The following KIAA0753 variants were observed in gnomAD, a reference collection of about 807,000 sequenced individuals.
KIAA0753 encodes the protein protein moonraker.
Under a neutral mutation model 116.9 loss-of-function variants are expected in KIAA0753, and 114 were observed. That is an observed-to-expected ratio of 0.98 (90% CI 0.84 to 1.14). KIAA0753 has a LOEUF of 1.14. Among genes scored for constraint, KIAA0753 ranks in the 50% most tolerant of loss-of-function variants. The pLI is 0.00. For synonymous variants in KIAA0753, 405 were observed against 413.1 expected, an observed-to-expected ratio of 0.98 and a Z score of 0.24; for missense variants, 1,156 against 1,172.4, an observed-to-expected ratio of 0.99 and a Z score of 0.20.
chr17:6,604,659 G>A (rs1424521504), intron 12 of KIAA0753, among the ~76,000 whole-genome samples: 1 of 151,952 alleles, frequency 6.6e-6, no homozygotes, highest in East Asian at 1.9e-4. Context: ...GGGGGCAGGA[G>A]AGAAGTGGGT....
At chr17:6,584,178 T>G (rs975997711) in intron 18 of KIAA0753, among the ~76,000 whole-genome samples, 14 of 152,354 alleles carry the variant, frequency 9.2e-5, no homozygotes, top group Non-Finnish European at 1.6e-4. Flanking sequence ...TGTCCTCTGT[T>G]CTGAAAAGGC....
In KIAA0753 at chr17:6,578,565, C is replaced by A. The variant is rs541453566; in HGVS notation, c.*1182G>T. On this transcript the variant is annotated 3_prime_UTR_variant, in exon 19 of 19. Transcript: ENST00000361413. The stretch of plus-strand genomic sequence containing the variant: ...TGCACAAATAAGTGTGATCAAGCAG[C>A]TTAAATCACCTGAAATTCTTGTACT... 4 of 152,324 alleles carry A rather than the reference C, an allele frequency of 2.6e-5. No homozygotes were observed. The East Asian group carries it at 7.7e-4, about 29-fold the overall frequency. 9.4% of individuals were successfully genotyped at this position (152,324 alleles called of 1,614,324 possible).
intron 17 of KIAA0753, 38 bp downstream of exon 17, chr17:6,590,472 T>C (rs781592652): frequency 6.2e-7 from 1 of 1,611,012 alleles, no homozygotes; most frequent in South Asian, 1.1e-5. Flanking sequence ...CAAAGGTGAC[T>C]GACTAGAATG....
At chr17:6,580,008 C>G (rs936410497) in intron 18 of KIAA0753, 144 bp from the exon 19 acceptor site, 3 of 589,946 alleles carry the variant, frequency 5.1e-6, no homozygotes, top group East Asian at 3.1e-5. Flanking sequence ...CATGGTGAAA[C>G]CCGGTCTCTA....
intron 12 of KIAA0753, among the ~76,000 whole-genome samples, chr17:6,605,509 C>G (rs1470297): frequency 0.3 from 46,302 of 152,108 alleles, 7,924 homozygotes; most frequent in Admixed American, 0.39. Flanking sequence ...AGGATCCAGG[C>G]TCTGTTCAAC....
chr17:6,625,622 G>T (rs1012876209), intron 3 of KIAA0753, among the ~76,000 whole-genome samples: 1 of 151,786 alleles, frequency 6.6e-6, no homozygotes, highest in Non-Finnish European at 1.5e-5. Flanking sequence ...AGCTGAGATC[G>T]CACCACTACA....
At chr17:6,636,684 G>A (rs1972346462) in intron 1 of KIAA0753, 1 of 152,322 alleles carries the variant, frequency 6.6e-6, no homozygotes, top group Non-Finnish European at 1.5e-5. Flanking sequence ...CCCATGCTGA[G>A]ATGCCCTTAC....
intron 12 of KIAA0753, among the ~76,000 whole-genome samples, chr17:6,602,895 A>G (rs1969967757): frequency 6.6e-6 from 1 of 152,168 alleles, no homozygotes; most frequent in Admixed American, 6.5e-5. Context: ...CAAGATTACT[A>G]GGTATCTGAG....
At chr17:6,614,760 A>G (rs1970768003) in intron 7 of KIAA0753, among the ~76,000 whole-genome samples, 1 of 152,172 alleles carries the variant, frequency 6.6e-6, no homozygotes, top group African/African-American at 2.4e-5. Context: ...CCTGGGTCCA[A>G]AAATATTCAA....
At chr17:6,638,666 G>A (rs1220886532) in intron 1 of KIAA0753, 1 of 152,832 alleles carries the variant, frequency 6.5e-6, no homozygotes, top group Non-Finnish European at 1.5e-5. Context: ...TCCTCTCCAA[G>A]CCCAGGCACT....
At chr17:6,626,991 A>G (rs9916604) in intron 3 of KIAA0753, among the ~76,000 whole-genome samples, 1 of 152,186 alleles carries the variant, frequency 6.6e-6, no homozygotes, top group African/African-American at 2.4e-5. Context: ...AAGAGAAACA[A>G]GCCACAACAT....
rs147676269 is a variant in KIAA0753, at chr17:6,585,230, C to T, written c.2786+4549G>A. Among the ~76,000 whole-genome samples, 65 of 152,314 alleles carry T rather than the reference C, an allele frequency of 4.3e-4. No individual in the cohort carries two copies. In the East Asian group the frequency reaches 0.011, roughly 26 times the overall value. On this transcript the variant is annotated intron_variant, in intron 18 of 18. Transcript: ENST00000361413. ...TAAAAACAATATGCCATTCTCATTT[C>T]TGATTATTTGAATGTGTACAGTTTT... is the stretch of plus-strand genomic sequence containing the variant.
In KIAA0753 at chr17:6,607,216, T is replaced by C. The variant is rs1484584338; in HGVS notation, c.1884A>G (p.Leu628=). 2 of 1,613,876 alleles carry C rather than the reference T, an allele frequency of 1.2e-6. No individual in the cohort carries two copies. Among genetic ancestry groups the C allele is most frequent in the Non-Finnish European group, 1.7e-6 (2 of 1,179,962 alleles). ...TSKRLKELEE[L]KAKEIDSMQK... is the part of the protein sequence containing the mutation. The stretch of plus-strand genomic sequence containing the variant: ...GCATGCTGTCAATTTCCTTGGCTTT[T>C]AACTCTTCTAGTTCCTTCAATCTTT... Residue 628 remains leucine (L), a synonymous_variant, in exon 11 of 19, where the codon TTA becomes TTG. Coordinates refer to ENST00000361413, the MANE Select transcript of KIAA0753 (RefSeq NM_014804.3).
intron 18 of KIAA0753, among the ~76,000 whole-genome samples, chr17:6,588,167 C>T (rs1043315377): frequency 2.6e-5 from 4 of 152,118 alleles, no homozygotes; most frequent in African/African-American, 9.7e-5. Context: ...TCCTCACCCC[C>T]ACAAAAGAAG....
chr17:6,615,427 A>C (rs1311343138), intron 7 of KIAA0753, among the ~76,000 whole-genome samples: 1 of 151,942 alleles, frequency 6.6e-6, no homozygotes, highest in East Asian at 1.9e-4. Context: ...AAGAAGCTGG[A>C]AAATGTCCCC....
At chr17:6,630,622 G>T (rs2150914525) in intron 2 of KIAA0753, among the ~76,000 whole-genome samples, 1 of 152,234 alleles carries the variant, frequency 6.6e-6, no homozygotes, top group South Asian at 2.1e-4. Context: ...AACATGTACA[G>T]GGTTACTCAC....
intron 6 of KIAA0753, among the ~76,000 whole-genome samples, chr17:6,622,551 C>T (rs573693614): frequency 5.4e-4 from 82 of 152,300 alleles, no homozygotes; most frequent in Non-Finnish European, 9.0e-4. Flanking sequence ...TCTAAGAATG[C>T]TTTACTGGTT....
chr17:6,593,884 CA>C (rs1415095817), intron 16 of KIAA0753, among the ~76,000 whole-genome samples: 1 of 151,774 alleles, frequency 6.6e-6, no homozygotes, highest in South Asian at 2.1e-4. Flanking sequence ...AACTGTGACT[CA>C]AAAAATAAAA....
chr17:6,602,190 C>T (rs1969922846), intron 12 of KIAA0753, among the ~76,000 whole-genome samples: 1 of 152,220 alleles, frequency 6.6e-6, no homozygotes, highest in Admixed American at 6.5e-5. Flanking sequence ...AAAGCTACTA[C>T]TCTGGATAAT....
Sources: gnomAD v4.1 joint callset for allele counts (sites outside exome capture counted in the v4.1 genomes callset) on GRCh38, gnomAD v4.1.1 for gene constraint, MANE v1.5 for transcripts, NCBI Gene and HGNC (gene_info 2026-07-23, HGNC 2026-07-21) for gene names.